Variants in GYPB observed in about 807,000 individuals in gnomAD.
GYPB encodes glycophorin-B.
In GYPB, 13 loss-of-function variants were observed where a neutral mutation model predicts 15.3. That is an observed-to-expected ratio of 0.85 (90% CI 0.55 to 1.35). The LOEUF (loss-of-function observed/expected upper bound fraction) is 1.35, where lower values mean the gene tolerates loss of function less well. Ranked by LOEUF, GYPB falls within the 40% of genes most tolerant of loss-of-function variation. The pLI is 0.00. For synonymous variants in GYPB, 38 were observed against 36.9 expected (o/e 1.03, Z -0.11); for missense variants, 131 against 108.3 (o/e 1.21, Z -0.93).
intron 1 of GYPB, among the ~76,000 whole-genome samples, chr4:144,011,352 C>T (rs1269436071): frequency 6.6e-6 from 1 of 151,308 alleles, no homozygotes; most frequent in Non-Finnish European, 1.5e-5. Flanking sequence ...TGCACTCCAG[C>T]CTGGGCGACA....
At chr4:144,004,791 G>A (rs1406132551) in intron 1 of GYPB, among the ~76,000 whole-genome samples, 3 of 151,846 alleles carry the variant, frequency 2.0e-5, no homozygotes. Flanking sequence ...AGATTCCTAA[G>A]ACCCTAACCA....
intron 3 of GYPB, among the ~76,000 whole-genome samples, chr4:143,998,450 G>A (rs1727437995): frequency 6.6e-6 from 1 of 150,732 alleles, no homozygotes; most frequent in Non-Finnish European, 1.5e-5. Flanking sequence ...CCTCTTGCTG[G>A]TGTTGCCCAG....
rs779485452 is a variant in GYPB at position 143,997,626 on chromosome 4, C to T, written c.184G>A (p.Val62Met). 15 of 1,552,082 alleles carry T rather than the reference C, an allele frequency of 9.7e-6. No homozygotes were observed. The highest frequency in any genetic ancestry group is 3.3e-5 in the Admixed American group (2 of 59,876). The change falls in exon 4 of 5, where the codon GTG becomes ATG. Residue 62 changes from valine to methionine, a missense_variant. Physicochemically the swap from Val to Met is conservative, Grantham distance 21 (BLOSUM62 1). Coordinates refer to ENST00000502664, the MANE Select transcript of GYPB (RefSeq NM_002100.6). ...VHRFTVPAPV[V>M]IILIILCVMA... Reference sequence around the variant, plus strand: ...ACACACAAAATAATGAGTATTATCACTACAGGAGCTAAAGAGAGCAGCAAA... The same window carrying T: ...ACACACAAAATAATGAGTATTATCATTACAGGAGCTAAAGAGAGCAGCAAA...
chr4:143,997,452 T>G lies in GYPB; in HGVS notation c.270+88A>C. On this transcript the variant is annotated intron_variant, in intron 4 of 4. Coordinates refer to ENST00000502664, the MANE Select transcript of GYPB (RefSeq NM_002100.6). ...GGAATTTTATGCAGTTCTGTTTCTC[T>G]TCTGAGTTTAACTGAACTCAGAGGA... 5 of 768,854 alleles carry G rather than the reference T, an allele frequency of 6.5e-6. No individual in the cohort carries two copies. The South Asian group carries it at 7.1e-5, about 11-fold the overall frequency. 47.6% of individuals were successfully genotyped at this position (768,854 alleles called of 1,614,324 possible).
At chr4:143,995,603 G>T (rs1344249666), downstream of GYPB, among the ~76,000 whole-genome samples, 2 of 151,144 alleles carry the variant, frequency 1.3e-5, no homozygotes, top group Admixed American at 1.3e-4. Flanking sequence ...TTCTGGAGGT[G>T]ATGAGTGCTC....
At chr4:144,000,099 A>G (rs1452223964) in intron 2 of GYPB, 2 of 173,500 alleles carry the variant, frequency 1.2e-5, no homozygotes, top group African/African-American at 4.9e-5. Context: ...ACAATTTTCT[A>G]GAGTTTAATT....
At chr4:144,004,462 T>C (rs1437497293) in intron 1 of GYPB, among the ~76,000 whole-genome samples, 16 of 151,954 alleles carry the variant, frequency 1.1e-4, no homozygotes, top group African/African-American at 2.9e-4. Flanking sequence ...GGAACAATAG[T>C]TCCCATAAAA....
At chr4:143,995,368 G>A (rs1236953475), downstream of GYPB, among the ~76,000 whole-genome samples, 2 of 151,336 alleles carry the variant, frequency 1.3e-5, no homozygotes, top group East Asian at 1.9e-4. Flanking sequence ...TATGACCATG[G>A]CCTGCTCTAC....
rs1728092897 is a variant in GYPB, at chr4:144,009,362, T to G, written c.38-8079A>C. On this transcript the variant is annotated intron_variant, in intron 1 of 4. Coordinates refer to ENST00000502664, the MANE Select transcript of GYPB (RefSeq NM_002100.6). ...TTAGCACAAGTATTAGTAAACTTCCTATGTAAAGGGAGAGAGAGTAACTAC... is the reference window on the plus strand; with the variant it reads ...TTAGCACAAGTATTAGTAAACTTCCGATGTAAAGGGAGAGAGAGTAACTAC... Among the ~76,000 whole-genome samples, 2 of 151,080 alleles carry G rather than the reference T, an allele frequency of 1.3e-5. 1 individual carries two copies. Among genetic ancestry groups the G allele is most frequent in the Admixed American group, 1.3e-4 (2 of 15,252 alleles).
At chr4:144,007,915 G>C (rs1728005801) in intron 1 of GYPB, among the ~76,000 whole-genome samples, 1 of 151,336 alleles carries the variant, frequency 6.6e-6, no homozygotes, top group Non-Finnish European at 1.5e-5. Context: ...TGGTACTATA[G>C]GTGCACACCA....
intron 1 of GYPB, among the ~76,000 whole-genome samples, chr4:144,010,076 T>C (rs1354466314): frequency 2.0e-5 from 3 of 151,288 alleles, no homozygotes; most frequent in Non-Finnish European, 4.4e-5. Context: ...GCTACATAGA[T>C]TCTCTGAGAA....
At chr4:143,997,322 T>A (rs1253108667) in intron 4 of GYPB, 1 of 407,592 alleles carries the variant, frequency 2.5e-6, no homozygotes, top group Non-Finnish European at 4.5e-6. Context: ...ATTGGGAAAA[T>A]GGGGGACAGA....
At chr4:144,016,667 C>G in intron 1 of GYPB, 2 of 338,234 alleles carry the variant, frequency 5.9e-6, no homozygotes, top group Non-Finnish European at 1.2e-5. Flanking sequence ...ACACAAAAAG[C>G]TTTTGGAGAC....
Position 143,996,129 on chromosome 4 carries a change from T to G in GYPB, c.*170A>C. ...AACGGTTTGTATTTTGTTTTATTTT[T>G]ATTTAGAAGTAGAGAATACAGTAAT... On this transcript the variant is annotated 3_prime_UTR_variant, in exon 5 of 5. Coordinates refer to ENST00000502664, the MANE Select transcript of GYPB (RefSeq NM_002100.6). 7.0e-7 allele frequency: 1 copy of G among 1,435,724 alleles called. No homozygotes were observed. The highest frequency in any genetic ancestry group is 9.2e-7 in the Non-Finnish European group (1 of 1,084,926). The allele number at this position is 1,435,724 out of a possible 1,614,324, so 88.9% of individuals were successfully genotyped here.
intron 2 of GYPB, 81 bp downstream of exon 2, chr4:144,001,104 C>T (rs1727596257): frequency 1.6e-5 from 26 of 1,607,954 alleles, no homozygotes; most frequent in Non-Finnish European, 2.1e-5. Context: ...AGTTTCTCTG[C>T]AGTGACAGGT....
intron 1 of GYPB, among the ~76,000 whole-genome samples, chr4:144,007,436 A>T (rs1204266089): frequency 3.3e-5 from 5 of 151,486 alleles, no homozygotes; most frequent in African/African-American, 1.2e-4. Flanking sequence ...TTCTATCTCG[A>T]AGGTGTTGTG....
In GYPB at chr4:144,017,646, C is replaced by G. The variant is rs891234280; in HGVS notation, c.37+1605G>C. Among the ~76,000 whole-genome samples the G allele has an allele frequency of 5.9e-5, 9 of 151,280 alleles. 1 individual carries two copies. Among genetic ancestry groups the G allele is most frequent in the South Asian group, 4.2e-4 (2 of 4,816 alleles). On this transcript the variant is annotated intron_variant, in intron 1 of 4. Transcript: ENST00000502664. ...AAAAAATCATTTCTTTGCCAGGAAC[C>G]CTTTCCAAATTTGGGGCACTTGTAA...
intron 1 of GYPB, among the ~76,000 whole-genome samples, chr4:144,011,943 G>A (rs1231065315): frequency 6.6e-6 from 1 of 152,038 alleles, no homozygotes; most frequent in African/African-American, 2.4e-5. Context: ...TCAAATAGCT[G>A]TACTATTCAT....
At chr4:144,018,252 ATGTTCCCCAGCCT>A (rs935437908) in intron 1 of GYPB, among the ~76,000 whole-genome samples, 2 of 151,334 alleles carry the variant, frequency 1.3e-5, no homozygotes, top group African/African-American at 4.9e-5. Flanking sequence ...ATTTGCCTTA[ATGTTCCCCAGCCT>A]TGAGAAGTAA....
Sources: allele counts gnomAD v4.1 joint callset (sites outside exome capture counted in the v4.1 genomes callset), GRCh38; gene constraint gnomAD v4.1.1; transcripts MANE v1.5; gene names NCBI Gene and HGNC (gene_info 2026-07-23, HGNC 2026-07-21).